RUBCNL: variants seen among roughly 807,000 people sequenced by gnomAD.
RUBCNL encodes the protein rubicon like autophagy enhancer, also known as protein associated with UVRAG as autophagy enhancer.
A neutral mutation model predicts 69.5 loss-of-function variants in RUBCNL; 62 were observed. That is an observed-to-expected ratio of 0.89 (90% CI 0.73 to 1.10). RUBCNL has a LOEUF of 1.10. Ranked by LOEUF, RUBCNL falls within the 50% of genes least tolerant of loss-of-function variation. The pLI is 0.00. For synonymous variants in RUBCNL, 291 were observed against 303.6 expected (o/e 0.96, Z 0.43); for missense variants, 768 against 798.1 (o/e 0.96, Z 0.45).
chr13:46,387,411 CTG>C (rs2049276802), upstream of RUBCNL: 3 of 985,500 alleles, frequency 3.0e-6, no homozygotes, highest in Non-Finnish European at 3.6e-6. Flanking sequence ...GGAAGAAACT[CTG>C]GAGATGCGCG....
At chr13:46,351,202 G>A (rs1454998183) in intron 10 of RUBCNL, among the ~76,000 whole-genome samples, 1 of 152,188 alleles carries the variant, frequency 6.6e-6, no homozygotes, top group African/African-American at 2.4e-5. Context: ...AGGCTACAGT[G>A]AGCCATCATC....
At chr13:46,349,202 A>T in intron 12 of RUBCNL, 84 bp downstream of exon 12, 1 of 1,182,824 alleles carries the variant, frequency 8.5e-7, no homozygotes, top group Non-Finnish European at 1.3e-6. Context: ...AGCCCTGTGT[A>T]ATGGGGGAGC....
intron 1 of RUBCNL, 129 bp downstream of exon 1, chr13:46,387,005 T>C: frequency 1.2e-6 from 1 of 827,474 alleles, no homozygotes; most frequent in Non-Finnish European, 1.5e-6. Context: ...TGGGTGTCTC[T>C]GCTGGGCACA....
intron 14 of RUBCNL, among the ~76,000 whole-genome samples, chr13:46,344,204 C>A (rs932955623): frequency 1.3e-5 from 2 of 152,166 alleles, no homozygotes; most frequent in Non-Finnish European, 1.5e-5. Flanking sequence ...GGAGGATATG[C>A]CCCTATCAAG....
chr13:46,342,666 T>C lies in RUBCNL; in HGVS notation c.*719A>G, dbSNP rs1187553563. The C allele has an allele frequency of 6.6e-6, 1 of 152,214 alleles. No homozygotes were observed. Among genetic ancestry groups the C allele is most frequent in the Admixed American group, 6.5e-5 (1 of 15,284 alleles). The allele number at this position is 152,214 out of a possible 1,614,324, so 9.4% of individuals were successfully genotyped here. A position where few individuals can be genotyped will look rare whatever the true frequency, so the allele number is the denominator to read the frequency against. Reference sequence around the variant, plus strand: ...AGATCCTCAAGGGCAGGGATGGAATTCTACTCACTTCTGCATCCCTTGACA... The same window carrying C: ...AGATCCTCAAGGGCAGGGATGGAATCCTACTCACTTCTGCATCCCTTGACA... On this transcript the variant is annotated 3_prime_UTR_variant, in exon 15 of 15. Transcript: ENST00000429979.
Position 46,372,144 on chromosome 13 carries a change from G to A in RUBCNL, c.332C>T (p.Ser111Phe). The change falls in exon 3 of 15, where the codon TCC becomes TTC. Residue 111 changes from serine to phenylalanine, a missense_variant. By Grantham distance (155) the Ser-to-Phe change is radical (BLOSUM62 -2). Coordinates refer to ENST00000429979, the MANE Select transcript of RUBCNL (RefSeq NM_025113.5). Reference protein sequence around the residue: ...ETTLSEDTTDSVGSASPHGSS... With the variant: ...ETTLSEDTTDFVGSASPHGSS... ...GCCATGGGGAGAAGCGCTGCCAACG[G>A]AGTCTGTGGTATCCTCAGACAACGT... 6.2e-7 allele frequency: 1 copy of A among 1,613,980 alleles called. No individual in the cohort carries two copies. The highest frequency in any genetic ancestry group is 8.5e-7 in the Non-Finnish European group (1 of 1,179,888).
intron 10 of RUBCNL, among the ~76,000 whole-genome samples, chr13:46,353,333 G>A (rs74703340): frequency 0.013 from 1,920 of 152,250 alleles, 52 homozygotes; most frequent in African/African-American, 0.044. Flanking sequence ...AGGCACCTGT[G>A]AGCTTCTGGT....
intron 6 of RUBCNL, among the ~76,000 whole-genome samples, 160 bp downstream of exon 6, chr13:46,362,939 GATATATATATATATAT>G (rs57722239): frequency 7.2e-5 from 3 of 41,504 alleles, no homozygotes; most frequent in African/African-American, 1.9e-4. Context: ...TATATATATA[GATATATATATATATAT>G]ATATATATAT....
At chr13:46,348,891 C>T (rs2764579) in intron 12 of RUBCNL, among the ~76,000 whole-genome samples, 3,066 of 152,186 alleles carry the variant, frequency 0.02, 94 homozygotes, top group African/African-American at 0.066. Flanking sequence ...TGTGAGCCAC[C>T]GTGCCTGGCT....
intron 8 of RUBCNL, among the ~76,000 whole-genome samples, chr13:46,359,953 A>G (rs2048575160): frequency 6.6e-6 from 1 of 152,208 alleles, no homozygotes. Flanking sequence ...CTCTTAGTCA[A>G]CAGACTGACA....
rs2048134388 is a variant in RUBCNL, at chr13:46,340,572, G to C, written c.*2813C>G. Among the ~76,000 whole-genome samples, 1 of 152,134 alleles carries C rather than the reference G, an allele frequency of 6.6e-6. No homozygotes were observed. Among genetic ancestry groups the C allele is most frequent in the Non-Finnish European group, 1.5e-5 (1 of 68,020 alleles). ...TGAGTCTATTTGTGTTGCTATAAAG[G>C]AATACCTGAGGCTGGGTGATTTATA... On this transcript the variant is annotated 3_prime_UTR_variant, in exon 15 of 15. Transcript: ENST00000429979.
chr13:46,381,084 C>T lies in RUBCNL; in HGVS notation c.-238-3079G>A, dbSNP rs114004183. ...CCTCAAATACTAAATATACAGTTAC[C>T]ATTTAATCTAATAATTCTACTCCTG... On this transcript the variant is annotated intron_variant, in intron 1 of 14. Coordinates refer to ENST00000429979, the MANE Select transcript of RUBCNL (RefSeq NM_025113.5). Among the ~76,000 whole-genome samples, 659 of 152,198 alleles carry T rather than the reference C, an allele frequency of 4.3e-3. 4 individuals carry two copies. Among genetic ancestry groups the T allele is most frequent in the African/African-American group, 0.015 (619 of 41,518 alleles).
chr13:46,364,595 G>T (rs1211579466), intron 5 of RUBCNL, among the ~76,000 whole-genome samples: 1 of 148,358 alleles, frequency 6.7e-6, no homozygotes, highest in Non-Finnish European at 1.5e-5. Flanking sequence ...TTTACATTGT[G>T]ACTTAGTACA....
intron 2 of RUBCNL, among the ~76,000 whole-genome samples, chr13:46,373,374 T>C (rs1351744480): frequency 1.3e-5 from 2 of 152,256 alleles, no homozygotes; most frequent in African/African-American, 4.8e-5. Context: ...CACTGAAGAC[T>C]TTGCTTCATG....
intron 8 of RUBCNL, 88 bp downstream of exon 8, chr13:46,361,353 A>G: frequency 7.0e-7 from 1 of 1,430,622 alleles, no homozygotes; most frequent in South Asian, 1.3e-5. Context: ...TGACCATACA[A>G]GGAAAGACAA....
chr13:46,380,299 G>A (rs116019540), intron 1 of RUBCNL, among the ~76,000 whole-genome samples: 14 of 152,312 alleles, frequency 9.2e-5, no homozygotes, highest in Non-Finnish European at 1.6e-4. Context: ...CCCTCTGGTC[G>A]CTGCATATGA....
At chr13:46,381,218 G>A (rs1200772154) in intron 1 of RUBCNL, among the ~76,000 whole-genome samples, 1 of 152,132 alleles carries the variant, frequency 6.6e-6, no homozygotes, top group Non-Finnish European at 1.5e-5. Flanking sequence ...CAAATGAAAT[G>A]ACCATCAATT....
At chr13:46,376,755 T>C (rs1720524130) in intron 2 of RUBCNL, among the ~76,000 whole-genome samples, 1 of 152,252 alleles carries the variant, frequency 6.6e-6, no homozygotes, top group South Asian at 2.1e-4. Context: ...CCTTTATCTA[T>C]GAATTAACGT....
At chr13:46,361,060 T>C (rs1295268295) in intron 8 of RUBCNL, among the ~76,000 whole-genome samples, 1 of 152,080 alleles carries the variant, frequency 6.6e-6, no homozygotes, top group East Asian at 1.9e-4. Flanking sequence ...CTGTCTCTAC[T>C]AAAAATACAA....
Sources: gnomAD v4.1 joint callset for allele counts (sites outside exome capture counted in the v4.1 genomes callset) on GRCh38, gnomAD v4.1.1 for gene constraint, MANE v1.5 for transcripts, NCBI Gene and HGNC (gene_info 2026-07-23, HGNC 2026-07-21) for gene names.